Variants in VAPB observed in about 807,000 individuals in gnomAD.
VAPB encodes the protein VAMP associated protein B and C.
A neutral mutation model predicts 25.6 loss-of-function variants in VAPB; 7 were observed. The ratio of observed to expected loss-of-function variants is 0.27; its 90% CI spans 0.16 to 0.51. VAPB has a LOEUF of 0.51. Among genes scored for constraint, VAPB ranks in the 20% least tolerant of loss-of-function variants. VAPB has a pLI of 0.97. For synonymous variants in VAPB, 112 were observed against 109.2 expected, an observed-to-expected ratio of 1.03 and a Z score of -0.16; for missense variants, 266 against 301.3, an observed-to-expected ratio of 0.88 and a Z score of 0.87.
At chr20:58,400,057 G>GAGGCCTTTGCAGA (rs1988060335) in intron 1 of VAPB, among the ~76,000 whole-genome samples, 1 of 152,220 alleles carries the variant, frequency 6.6e-6, no homozygotes, top group Admixed American at 6.5e-5. Flanking sequence ...TTAGAGATGA[G>GAGGCCTTTGCAGA]AGGCCTTTGC....
chr20:58,433,127 G>T (rs1267914244), intron 2 of VAPB, among the ~76,000 whole-genome samples: 3 of 152,306 alleles, frequency 2.0e-5, no homozygotes, highest in African/African-American at 7.2e-5. Context: ...TTTCTATCCT[G>T]TTTTGTGAAT....
At chr20:58,418,901 G>A (rs1988609174) in intron 2 of VAPB, among the ~76,000 whole-genome samples, 1 of 152,166 alleles carries the variant, frequency 6.6e-6, no homozygotes, top group African/African-American at 2.4e-5. Context: ...TGTCAGTTTG[G>A]TGCATGTCTG....
chr20:58,420,638 G>C (rs1405090632), intron 2 of VAPB, among the ~76,000 whole-genome samples: 7 of 152,188 alleles, frequency 4.6e-5, no homozygotes, highest in Admixed American at 1.3e-4. Flanking sequence ...GGGGGAAAAA[G>C]TAGTTGAATA....
chr20:58,440,921 A>G lies in VAPB; in HGVS notation c.411A>G (p.Ile137Met), dbSNP rs1306743589. Residue 137 changes from isoleucine to methionine, a missense_variant, in exon 5 of 6, where the codon ATA (isoleucine) becomes ATG (methionine). Ile to Met is a conservative substitution (Grantham distance 10). Transcript: ENST00000475243. ...TTTTTGAACAGCATGATGTAGAAAT[A>G]AATAAAATTATATCCACAACTGCAT... The part of the protein sequence containing the change: ...AENDKPHDVE[I>M]NKIISTTASK... 1 of 1,613,682 alleles carries G rather than the reference A, an allele frequency of 6.2e-7. No individual in the cohort carries two copies. Among genetic ancestry groups the G allele is most frequent in the South Asian group, 1.1e-5 (1 of 91,010 alleles).
Position 58,438,977 on chromosome 20 carries a change from T to C in VAPB, c.348T>C (p.Asp116=), listed in dbSNP as rs751762415. ...AGGCAAAACCGGAAGACCTTATGGA[T>C]TCAAAACTTAGATGTGTGTTTGAAT... ...WKEAKPEDLM[D]SKLRCVFELP... Residue 116 remains aspartate (D), a synonymous_variant, in exon 4 of 6, where the codon GAT becomes GAC. Coordinates refer to ENST00000475243, the MANE Select transcript of VAPB (RefSeq NM_004738.5). 10 of 1,613,864 alleles carry C rather than the reference T, an allele frequency of 6.2e-6. No individual in the cohort carries two copies. The highest frequency in any genetic ancestry group is 1.3e-5 in the African/African-American group (1 of 74,926).
Position 58,444,243 on chromosome 20 carries a change from A to G in VAPB, c.*8A>G. ...GGGAAGATTGCCTTGTAGAGGTAGC[A>G]TGCACAGGATGGTAAATTGGATTGG... is the stretch of plus-strand genomic sequence containing the variant. On this transcript the variant is annotated 3_prime_UTR_variant, in exon 6 of 6. Coordinates refer to ENST00000475243, the MANE Select transcript of VAPB (RefSeq NM_004738.5). 6.2e-7 allele frequency: 1 copy of G among 1,614,220 alleles called. No homozygotes were observed. Among genetic ancestry groups the G allele is most frequent in the Non-Finnish European group, 8.5e-7 (1 of 1,180,040 alleles).
intron 1 of VAPB, among the ~76,000 whole-genome samples, chr20:58,407,728 A>G (rs763527945): frequency 6.6e-6 from 1 of 151,842 alleles, no homozygotes; most frequent in Non-Finnish European, 1.5e-5. Flanking sequence ...AGATCACTTA[A>G]TGTAGTGTCA....
At chr20:58,414,400 C>T (rs1238775324) in intron 1 of VAPB, among the ~76,000 whole-genome samples, 2 of 150,398 alleles carry the variant, frequency 1.3e-5, no homozygotes, top group African/African-American at 2.4e-5. Flanking sequence ...GGGTGGCCGC[C>T]GGGCGGAGAG....
At position 58,440,903 on chromosome 20, in the gene VAPB, A is replaced by G; in HGVS notation, c.397-4A>G. 6.2e-7 allele frequency: 1 copy of G among 1,612,688 alleles called. No individual in the cohort carries two copies. The highest frequency in any genetic ancestry group is 8.5e-7 in the Non-Finnish European group (1 of 1,179,282). ...CACTTAGGCTTTCATTTGTTTTTGAACAGCATGATGTAGAAATAAATAAAA... is the reference window on the plus strand; with the variant it reads ...CACTTAGGCTTTCATTTGTTTTTGAGCAGCATGATGTAGAAATAAATAAAA... On this transcript the variant is annotated splice_region_variant and splice_polypyrimidine_tract_variant and intron_variant, in intron 4 of 5. Transcript: ENST00000475243.
At chr20:58,436,992 C>CTTTTTTTTTTTTTTATT (rs1989062160) in intron 3 of VAPB, among the ~76,000 whole-genome samples, 1 of 77,432 alleles carries the variant, frequency 1.3e-5, no homozygotes, top group African/African-American at 5.4e-5. Context: ...AAACTTTGAA[C>CTTTTTTTTTTTTTTATT]TTTTTTTTTT....
chr20:58,406,335 A>C (rs1988229181), intron 1 of VAPB, among the ~76,000 whole-genome samples: 1 of 152,220 alleles, frequency 6.6e-6, no homozygotes. Context: ...CATAATTTCC[A>C]AAGGCAGAGT....
chr20:58,392,456 G>A (rs1337329456), intron 1 of VAPB, among the ~76,000 whole-genome samples: 1 of 152,214 alleles, frequency 6.6e-6, no homozygotes, highest in Admixed American at 6.5e-5. Flanking sequence ...CATAACTTTA[G>A]AAGAGACATC....
intron 1 of VAPB, 46 bp downstream of exon 1, chr20:58,389,563 A>G (rs769934594): frequency 1.3e-6 from 2 of 1,525,488 alleles, no homozygotes; most frequent in Admixed American, 2.0e-5. Context: ...CCTCCGCCCC[A>G]GTGCTGGAAG....
chr20:58,400,154 C>T (rs767048168), intron 1 of VAPB, among the ~76,000 whole-genome samples: 12 of 152,124 alleles, frequency 7.9e-5, no homozygotes, highest in South Asian at 4.1e-4. Context: ...CATTACAAAG[C>T]GAATCTGTGG....
chr20:58,410,894 G>A (rs995173006), intron 1 of VAPB, among the ~76,000 whole-genome samples: 1 of 152,140 alleles, frequency 6.6e-6, no homozygotes, highest in Non-Finnish European at 1.5e-5. Context: ...TTAGCACTGA[G>A]CACTATTTCA....
intron 2 of VAPB, among the ~76,000 whole-genome samples, chr20:58,426,708 GGT>G: frequency 6.6e-6 from 1 of 152,266 alleles, no homozygotes; most frequent in South Asian, 2.1e-4. Context: ...ATACAAGTAG[GGT>G]ATTAAGGTAC....
chr20:58,389,300 CGA>C lies in VAPB; in HGVS notation c.-159_-158del. 1.4e-6 allele frequency: 1 copy of C among 700,048 alleles called. No individual in the cohort carries two copies. The highest frequency in any genetic ancestry group is 2.5e-6 in the Non-Finnish European group (1 of 405,396). 43.4% of individuals were successfully genotyped at this position (700,048 alleles called of 1,614,324 possible). A position where few individuals can be genotyped will look rare whatever the true frequency, so the allele number is the denominator to read the frequency against. ...GCCCCTGCGCCTGCACCGCGTAGAC[CGA>C]CCCCCCCCCAGCGCGCCCACCCGGT... On this transcript the variant is annotated 5_prime_UTR_variant, in exon 1 of 6. Coordinates refer to ENST00000475243, the MANE Select transcript of VAPB (RefSeq NM_004738.5).
At chr20:58,428,281 G>A (rs1988851090) in intron 2 of VAPB, among the ~76,000 whole-genome samples, 1 of 152,190 alleles carries the variant, frequency 6.6e-6, no homozygotes, top group Non-Finnish European at 1.5e-5. Flanking sequence ...TAATGTAGAT[G>A]AGTAGTGACC....
chr20:58,425,591 AAAGT>A (rs1411825889), intron 2 of VAPB, among the ~76,000 whole-genome samples: 1 of 152,218 alleles, frequency 6.6e-6, no homozygotes, highest in Non-Finnish European at 1.5e-5. Context: ...GTCTCCCAAT[AAAGT>A]AAGGTGCCCA....
Sources: allele counts gnomAD v4.1 joint callset (sites outside exome capture counted in the v4.1 genomes callset), GRCh38; gene constraint gnomAD v4.1.1; transcripts MANE v1.5; gene names NCBI Gene and HGNC (gene_info 2026-07-23, HGNC 2026-07-21).